The following SCARA5 variants were observed in gnomAD, a reference collection of about 807,000 sequenced individuals.
The protein encoded by SCARA5 is scavenger receptor class A, member 5 (putative).
SCARA5 carries 45 observed loss-of-function variants against 46.3 expected under a neutral mutation model. The observed-to-expected ratio is 0.97, with a 90% CI of 0.76 to 1.24. The LOEUF is 1.24. Among genes scored for constraint, SCARA5 ranks in the 50% most tolerant of loss-of-function variants. The probability of loss-of-function intolerance (pLI) is 0.00; values close to 1 mark genes in which losing one functional copy is unlikely to be tolerated. For missense variants in SCARA5, 680 were observed against 689.0 expected (o/e 0.99, Z 0.15); for synonymous variants, 333 against 306.5 (o/e 1.09, Z -0.90).
intron 7 of SCARA5, among the ~76,000 whole-genome samples, chr8:27,882,858 G>A (rs541141626): frequency 1.3e-5 from 2 of 152,338 alleles, no homozygotes; most frequent in East Asian, 1.9e-4. Context: ...GGTAATAGAT[G>A]TGAAGAACTC....
intron 2 of SCARA5, among the ~76,000 whole-genome samples, chr8:27,970,551 T>C (rs1392776494): frequency 6.6e-6 from 1 of 152,222 alleles, no homozygotes; most frequent in East Asian, 1.9e-4. Flanking sequence ...TAATTAAAAA[T>C]GGGCATAAAT....
chr8:27,985,792 G>T (rs750331885), intron 2 of SCARA5, among the ~76,000 whole-genome samples: 1 of 152,218 alleles, frequency 6.6e-6, no homozygotes, highest in Non-Finnish European at 1.5e-5. Context: ...GGAACCCTGG[G>T]ACAGGACATG....
At chr8:27,873,536 C>G (rs867739913) in intron 8 of SCARA5, among the ~76,000 whole-genome samples, 3 of 152,098 alleles carry the variant, frequency 2.0e-5, no homozygotes, top group Non-Finnish European at 2.9e-5. Flanking sequence ...CCACTGAGCA[C>G]CTTATGTCCC....
intron 7 of SCARA5, among the ~76,000 whole-genome samples, chr8:27,898,812 T>C (rs1807104273): frequency 6.6e-6 from 1 of 152,158 alleles, no homozygotes; most frequent in Non-Finnish European, 1.5e-5. Flanking sequence ...CAAGTAACAA[T>C]GGCCAGTGAT....
chr8:27,982,166 G>A (rs1450120199), intron 2 of SCARA5, among the ~76,000 whole-genome samples: 1 of 152,138 alleles, frequency 6.6e-6, no homozygotes, highest in Admixed American at 6.5e-5. Context: ...ATGACGCCAC[G>A]AGTGGAGGGG....
intron 3 of SCARA5, among the ~76,000 whole-genome samples, chr8:27,934,994 T>G (rs1488722006): frequency 1.3e-5 from 2 of 152,204 alleles, no homozygotes; most frequent in Non-Finnish European, 2.9e-5. Context: ...CTTGGAAAAC[T>G]TCATTTTGAT....
chr8:27,911,874 G>A (rs555357604), intron 4 of SCARA5, among the ~76,000 whole-genome samples: 60 of 152,186 alleles, frequency 3.9e-4, no homozygotes, highest in Non-Finnish European at 7.1e-4. Flanking sequence ...AGGCCTCAGT[G>A]CAATGGCTGG....
chr8:27,889,003 C>G (rs1295112256), intron 7 of SCARA5, among the ~76,000 whole-genome samples: 2 of 152,212 alleles, frequency 1.3e-5, no homozygotes, highest in Non-Finnish European at 2.9e-5. Context: ...ACTGCAGCCC[C>G]AGACCACAGC....
At chr8:27,952,522 GA>G (rs1808144344) in intron 3 of SCARA5, among the ~76,000 whole-genome samples, 1 of 152,036 alleles carries the variant, frequency 6.6e-6, no homozygotes, top group Non-Finnish European at 1.5e-5. Context: ...AGACCCTGCA[GA>G]GCTACTTCCC....
chr8:27,886,883 A>G (rs569671148), intron 7 of SCARA5, among the ~76,000 whole-genome samples: 1 of 152,180 alleles, frequency 6.6e-6, no homozygotes, highest in East Asian at 1.9e-4. Context: ...CTGGTCCGTG[A>G]CTTCCCCAAG....
intron 3 of SCARA5, among the ~76,000 whole-genome samples, chr8:27,927,063 C>T (rs7009834): frequency 0.062 from 9,508 of 152,210 alleles, 526 homozygotes; most frequent in East Asian, 0.21. Flanking sequence ...GCCCCAGGGC[C>T]GATTCAAGGA....
intron 3 of SCARA5, among the ~76,000 whole-genome samples, chr8:27,948,018 T>C (rs1394442200): frequency 6.6e-6 from 1 of 152,126 alleles, no homozygotes; most frequent in African/African-American, 2.4e-5. Flanking sequence ...CAGTTTCAGC[T>C]TGGAGATATG....
chr8:27,873,723 A>AAGAAAGGCAGACTCTTGGCC (rs1412445557), intron 8 of SCARA5, among the ~76,000 whole-genome samples: 11 of 152,246 alleles, frequency 7.2e-5, no homozygotes, highest in Admixed American at 7.2e-4. Context: ...AAAAAAAAGA[A>AAGAAAGGCAGACTCTTGGCC]AGAAAGGCAG....
intron 2 of SCARA5, among the ~76,000 whole-genome samples, chr8:27,984,152 G>A (rs76943551): frequency 0.029 from 4,433 of 150,402 alleles, 224 homozygotes; most frequent in African/African-American, 0.1. Flanking sequence ...ATTTCACTCC[G>A]CAGAGATAAG....
chr8:27,975,886 G>A (rs1808516541), intron 2 of SCARA5, among the ~76,000 whole-genome samples: 1 of 152,166 alleles, frequency 6.6e-6, no homozygotes, highest in Non-Finnish European at 1.5e-5. Flanking sequence ...GAGAGCACGG[G>A]AAGGAGAGAC....
At chr8:27,874,117 C>A (rs1806687257) in intron 8 of SCARA5, among the ~76,000 whole-genome samples, 1 of 152,208 alleles carries the variant, frequency 6.6e-6, no homozygotes, top group East Asian at 1.9e-4. Flanking sequence ...AACAGAAAGA[C>A]AAAACAACAG....
intron 2 of SCARA5, among the ~76,000 whole-genome samples, chr8:27,971,384 ACTT>A (rs1808445631): frequency 6.6e-6 from 1 of 152,200 alleles, no homozygotes; most frequent in African/African-American, 2.4e-5. Context: ...CTTTGTCTTC[ACTT>A]CAGAGTCCAA....
In SCARA5 at chr8:27,929,172, C is replaced by T. The variant is rs1807727852; in HGVS notation, c.242-6927G>A. 2.6e-5 allele frequency among the ~76,000 whole-genome samples: 4 copies of T among 152,184 alleles called. No homozygotes were observed. In the South Asian group the frequency reaches 8.3e-4, roughly 32 times the overall value. ...TTAATGTATTCATGTCTGCTGCAGGCCCCGGCCTGAGCTAGGTGGCTTGCC... is the reference window on the plus strand; with the variant it reads ...TTAATGTATTCATGTCTGCTGCAGGTCCCGGCCTGAGCTAGGTGGCTTGCC... On this transcript the variant is annotated intron_variant, in intron 3 of 8. Transcript: ENST00000354914.
At chr8:27,984,543 T>G (rs1041586934) in intron 2 of SCARA5, among the ~76,000 whole-genome samples, 3 of 152,246 alleles carry the variant, frequency 2.0e-5, no homozygotes, top group Middle Eastern at 3.4e-3. Context: ...CATTCATTCA[T>G]CCATCCATCC....
Sources: allele counts gnomAD v4.1 joint callset (sites outside exome capture counted in the v4.1 genomes callset), GRCh38; gene constraint gnomAD v4.1.1; transcripts MANE v1.5; gene names NCBI Gene and HGNC (gene_info 2026-07-23, HGNC 2026-07-21).